The following ENTPD1 variants were observed in gnomAD, a reference collection of about 807,000 sequenced individuals.
The protein encoded by ENTPD1 is ATP diphosphohydrolase.
ENTPD1 carries 33 observed loss-of-function variants against 57.0 expected under a neutral mutation model. The ratio of observed to expected loss-of-function variants is 0.58; its 90% CI spans 0.44 to 0.77. The LOEUF is 0.77. Among genes scored for constraint, ENTPD1 ranks in the 30% least tolerant of loss-of-function variants. ENTPD1 has a pLI of 0.00. For synonymous variants in ENTPD1, 202 were observed against 218.8 expected (o/e 0.92, Z 0.68); for missense variants, 501 against 603.4 (o/e 0.83, Z 1.78).
At chr10:95,864,573 C>G (rs989374980) in intron 8 of ENTPD1, 151 bp from the exon 9 acceptor site, 4 of 967,686 alleles carry the variant, frequency 4.1e-6, no homozygotes, top group Non-Finnish European at 1.6e-6. Context: ...AGGAGTGCAG[C>G]ACCACCCCCA....
At chr10:95,810,594 C>T (rs1458679457) in intron 1 of ENTPD1, among the ~76,000 whole-genome samples, 1 of 152,212 alleles carries the variant, frequency 6.6e-6, no homozygotes, top group Admixed American at 6.5e-5. Context: ...TGTAGATGAC[C>T]CCATCCCCAC....
At chr10:95,862,724 T>G (rs1031545662) in intron 8 of ENTPD1, among the ~76,000 whole-genome samples, 2 of 152,202 alleles carry the variant, frequency 1.3e-5, no homozygotes, top group Non-Finnish European at 2.9e-5. Context: ...TTTTCTACTC[T>G]GAAAATCTGG....
At chr10:95,859,726 G>A (rs1370297701) in intron 7 of ENTPD1, among the ~76,000 whole-genome samples, 1 of 152,048 alleles carries the variant, frequency 6.6e-6, no homozygotes, top group Non-Finnish European at 1.5e-5. Flanking sequence ...GTTATAGGGT[G>A]GTATGAAGTA....
intron 1 of ENTPD1, among the ~76,000 whole-genome samples, chr10:95,761,373 T>C (rs542536062): frequency 1.8e-4 from 27 of 152,262 alleles, no homozygotes; most frequent in African/African-American, 6.5e-4. Context: ...AGCTCTGAAG[T>C]AGGTCTACAT....
intron 1 of ENTPD1, among the ~76,000 whole-genome samples, chr10:95,812,537 A>G (rs2098312476): frequency 3.9e-5 from 6 of 152,242 alleles, no homozygotes; most frequent in Admixed American, 3.9e-4. Flanking sequence ...TGAATAAAGC[A>G]GTTGGAAATA....
At chr10:95,778,916 A>G (rs769683226) in intron 1 of ENTPD1, among the ~76,000 whole-genome samples, 5 of 152,156 alleles carry the variant, frequency 3.3e-5, no homozygotes, top group African/African-American at 1.2e-4. Flanking sequence ...ATAGTTAATG[A>G]GTCTTAGAGA....
At chr10:95,738,748 A>T (rs538489316) in intron 1 of ENTPD1, among the ~76,000 whole-genome samples, 1 of 152,350 alleles carries the variant, frequency 6.6e-6, no homozygotes, top group East Asian at 1.9e-4. Context: ...TGACAATTAG[A>T]GGGAGATCAC....
chr10:95,754,355 T>C (rs190760738), upstream of ENTPD1: 55 of 149,064 alleles, frequency 3.7e-4, no homozygotes, highest in African/African-American at 1.3e-3. Flanking sequence ...TGTAATAAAG[T>C]AGAGAACCGT....
chr10:95,737,639 G>A (rs1359968425), intron 1 of ENTPD1, among the ~76,000 whole-genome samples: 2 of 151,970 alleles, frequency 1.3e-5, no homozygotes. Context: ...CACCTGCTTC[G>A]GCCTCCCAAA....
chr10:95,869,024 G>C lies in ENTPD1; in HGVS notation c.*2641G>C. 2 of 985,266 alleles carry C rather than the reference G, an allele frequency of 2.0e-6. No individual in the cohort carries two copies. The highest frequency in any genetic ancestry group is 2.4e-6 in the Non-Finnish European group (2 of 829,914). The allele number at this position is 985,266 out of a possible 1,614,324, so 61.0% of individuals were successfully genotyped here. On this transcript the variant is annotated 3_prime_UTR_variant, in exon 10 of 10. Transcript: ENST00000371205. The stretch of plus-strand genomic sequence containing the variant: ...GCTTTGGGCCACTCTGGGTGGGGTA[G>C]GTGAAATAAGATTGGTCACTGTTAA...
At chr10:95,752,370 T>C (rs1358525810), upstream of ENTPD1, among the ~76,000 whole-genome samples, 1 of 152,176 alleles carries the variant, frequency 6.6e-6, no homozygotes, top group African/African-American at 2.4e-5. Flanking sequence ...AAAGTTACTA[T>C]ATTGCTGGGC....
Position 95,720,183 on chromosome 10 carries a change from G to A in ENTPD1, c.37+8190G>A, listed in dbSNP as rs142940982. On this transcript the variant is annotated intron_variant, in intron 1 of 9. Coordinates refer to the ENTPD1 transcript ENST00000453258. ...CGGGTGTAAGGGGGTACTGCCTTTGGTAGGGAAAGGAGGCAGAATCCTTTA... is the reference window on the plus strand; with the variant it reads ...CGGGTGTAAGGGGGTACTGCCTTTGATAGGGAAAGGAGGCAGAATCCTTTA... 3.4e-3 allele frequency among the ~76,000 whole-genome samples: 524 copies of A among 152,230 alleles called. 4 individuals carry two copies. The highest frequency in any genetic ancestry group is 0.012 in the African/African-American group (499 of 41,514).
Position 95,847,636 on chromosome 10 carries a change from C to A in ENTPD1, c.1004C>A (p.Thr335Asn). 1 of 1,614,208 alleles carries A rather than the reference C, an allele frequency of 6.2e-7. No homozygotes were observed. Among genetic ancestry groups the A allele is most frequent in the South Asian group, 1.1e-5 (1 of 91,088 alleles). Reference protein sequence around the residue: ...CHQSILELFNTSYCPYSQCAF... With the variant: ...CHQSILELFNNSYCPYSQCAF... ...CAAAGCATCCTGGAGCTCTTCAACA[C>A]CAGTTACTGCCCTTACTCCCAGTGT... Residue 335 changes from threonine (T) to asparagine (N), a missense_variant, in exon 7 of 10, where the codon ACC (threonine) becomes AAC (asparagine). Physicochemically the swap from Thr to Asn is moderately conservative, Grantham distance 65. Transcript: ENST00000371205.
At chr10:95,836,907 G>A (rs1354374020) in intron 2 of ENTPD1, among the ~76,000 whole-genome samples, 1 of 152,192 alleles carries the variant, frequency 6.6e-6, no homozygotes, top group African/African-American at 2.4e-5. Context: ...AGCTTTATCT[G>A]TCTCTCAAGC....
intron 2 of ENTPD1, among the ~76,000 whole-genome samples, chr10:95,826,472 C>T (rs1318277444): frequency 6.7e-6 from 1 of 150,292 alleles, no homozygotes; most frequent in African/African-American, 2.5e-5. Flanking sequence ...ACTCAGGAAG[C>T]TGAGGTGCGA....
intron 7 of ENTPD1, 86 bp downstream of exon 7, chr10:95,847,792 C>A (rs1384303291): frequency 6.3e-7 from 1 of 1,586,720 alleles, no homozygotes; most frequent in Non-Finnish European, 8.6e-7. Context: ...TAATAGGATG[C>A]ATTTTTCTCT....
chr10:95,717,337 GTTTTTTTTT>G (rs10609572), intron 1 of ENTPD1, among the ~76,000 whole-genome samples: 2,246 of 125,964 alleles, frequency 0.018, 56 homozygotes, highest in African/African-American at 0.058. Context: ...GATCTGCAGG[GTTTTTTTTT>G]TTTTTTTTTT....
chr10:95,781,387 T>C (rs2098157256), intron 1 of ENTPD1, among the ~76,000 whole-genome samples: 1 of 152,098 alleles, frequency 6.6e-6, no homozygotes, highest in Non-Finnish European at 1.5e-5. Context: ...TGGTTTGCAA[T>C]AGGGTGACTA....
chr10:95,766,776 T>A (rs1353141614), intron 1 of ENTPD1, among the ~76,000 whole-genome samples: 1 of 152,236 alleles, frequency 6.6e-6, no homozygotes, highest in African/African-American at 2.4e-5. Context: ...AATGTTTTTT[T>A]CTGTTATGCT....
Sources: allele counts gnomAD v4.1 joint callset (sites outside exome capture counted in the v4.1 genomes callset), GRCh38; gene constraint gnomAD v4.1.1; transcripts MANE v1.5; gene names NCBI Gene and HGNC (gene_info 2026-07-23, HGNC 2026-07-21).